Variants in PPP1R13B observed in about 807,000 individuals in gnomAD.
The protein encoded by PPP1R13B is protein phosphatase 1 regulatory subunit 13B.
In PPP1R13B, 44 loss-of-function variants were observed where a neutral mutation model predicts 119.8. The ratio of observed to expected loss-of-function variants is 0.37; its 90% CI spans 0.29 to 0.47. The LOEUF is 0.47. Ranked by LOEUF, PPP1R13B falls within the 20% of genes least tolerant of loss-of-function variation. The pLI is 0.99. For synonymous variants in PPP1R13B, 542 were observed against 561.5 expected, an observed-to-expected ratio of 0.97 and a Z score of 0.49; for missense variants, 1,227 against 1,413.5, an observed-to-expected ratio of 0.87 and a Z score of 2.12.
chr14:103,802,666 T>C (rs1405714613), intron 1 of PPP1R13B, among the ~76,000 whole-genome samples: 1 of 152,202 alleles, frequency 6.6e-6, no homozygotes, highest in Non-Finnish European at 1.5e-5. Flanking sequence ...CGCGGAATTC[T>C]TTATGAATGC....
At chr14:103,836,077 A>G (rs1307624379) in intron 1 of PPP1R13B, among the ~76,000 whole-genome samples, 19 of 128,274 alleles carry the variant, frequency 1.5e-4, no homozygotes, top group African/African-American at 5.3e-4. Context: ...ACACAGTCTC[A>G]CTTTGTTGCC....
intron 1 of PPP1R13B, among the ~76,000 whole-genome samples, chr14:103,808,563 T>C (rs901316810): frequency 6.6e-6 from 1 of 152,174 alleles, no homozygotes; most frequent in Non-Finnish European, 1.5e-5. Context: ...GTGCCATGGG[T>C]TGGACAAGCT....
intron 6 of PPP1R13B, 96 bp from the exon 7 acceptor site, chr14:103,753,292 GC>G: frequency 7.9e-7 from 1 of 1,260,330 alleles, no homozygotes; most frequent in Non-Finnish European, 1.1e-6. Flanking sequence ...ATCATTTAGT[GC>G]CAGACCGTGG....
Position 103,740,171 on chromosome 14 carries a change from G to C in PPP1R13B, c.2245C>G (p.Gln749Glu), listed in dbSNP as rs775734231. The change falls in exon 12 of 17, where the codon CAG (glutamine) becomes GAG (glutamate). Residue 749 changes from glutamine (Q) to glutamate (E), a missense_variant. Coordinates refer to ENST00000202556, the MANE Select transcript of PPP1R13B (RefSeq NM_015316.3). The surrounding 1 kb of genome is among the most constrained non-coding windows in gnomAD (Gnocchi z 4.6). ...TCGGCCAAGGTGCCCATGAAGTCCTGGGAGGGGCTGGGCTGGTAGAAAGGG... is the reference window on the plus strand; with the variant it reads ...TCGGCCAAGGTGCCCATGAAGTCCTCGGAGGGGCTGGGCTGGTAGAAAGGG... ...GTPFYQPSPS[Q>E]DFMGTLADVD... 3 of 1,613,760 alleles carry C rather than the reference G, an allele frequency of 1.9e-6. No homozygotes were observed. Among genetic ancestry groups the C allele is most frequent in the Non-Finnish European group, 1.7e-6 (2 of 1,180,034 alleles).
intron 4 of PPP1R13B, among the ~76,000 whole-genome samples, chr14:103,760,490 A>C (rs1567101788): frequency 6.6e-6 from 1 of 152,202 alleles, no homozygotes; most frequent in African/African-American, 2.4e-5. Context: ...CACTTCCAAC[A>C]ACTAAGTTAA....
intron 4 of PPP1R13B, among the ~76,000 whole-genome samples, chr14:103,769,661 C>T (rs573048739): frequency 3.3e-5 from 5 of 152,282 alleles, no homozygotes; most frequent in East Asian, 1.9e-4. Flanking sequence ...CTTATGCTCA[C>T]GTAATATTCA....
Position 103,746,537 on chromosome 14 carries a change from C to T in PPP1R13B, c.986G>A (p.Gly329Asp). The T allele has an allele frequency of 6.3e-7, 1 of 1,596,448 alleles. No individual in the cohort carries two copies. Among genetic ancestry groups the T allele is most frequent in the Non-Finnish European group, 8.5e-7 (1 of 1,170,266 alleles). Residue 329 changes from glycine to aspartate, a missense_variant, in exon 9 of 17, where the codon GGC becomes GAC. By Grantham distance (94) the Gly-to-Asp change is moderately conservative. Transcript: ENST00000202556. ...CAGAGGGGACTGTGGTGATGACGTG[C>T]CATTCACACGGTTCAGCTACAAATT... ...GKKIQLNRVN[G>D]TSSPQSPLST...
At chr14:103,748,698 C>T (rs1262669673) in intron 8 of PPP1R13B, among the ~76,000 whole-genome samples, 1 of 152,186 alleles carries the variant, frequency 6.6e-6, no homozygotes, top group Non-Finnish European at 1.5e-5. Flanking sequence ...AGTGCAGGCG[C>T]CCCTCCTCCA....
intron 1 of PPP1R13B, among the ~76,000 whole-genome samples, chr14:103,798,624 C>T (rs1165284300): frequency 6.6e-6 from 1 of 152,034 alleles, no homozygotes; most frequent in African/African-American, 2.4e-5. Context: ...TAATATATCA[C>T]AGTAAAAGAA....
intron 1 of PPP1R13B, among the ~76,000 whole-genome samples, chr14:103,815,874 G>C (rs935279693): frequency 6.6e-5 from 10 of 152,044 alleles, no homozygotes; most frequent in Non-Finnish European, 1.2e-4. Flanking sequence ...ACAAGGTCAG[G>C]AGATCGAGAC....
At chr14:103,771,009 A>G (rs2085054105) in intron 4 of PPP1R13B, among the ~76,000 whole-genome samples, 1 of 152,170 alleles carries the variant, frequency 6.6e-6, no homozygotes, top group South Asian at 2.1e-4. Context: ...GGAGATGCCC[A>G]CAAACGTCCA....
At chr14:103,739,090 T>G in intron 12 of PPP1R13B, 67 bp from the exon 13 acceptor site, 1 of 1,551,252 alleles carries the variant, frequency 6.4e-7, no homozygotes, top group Non-Finnish European at 8.7e-7. Context: ...CCACGCCTGC[T>G]GGGAAGGAGT....
intron 1 of PPP1R13B, chr14:103,846,836 C>T: frequency 2.1e-6 from 1 of 475,312 alleles, no homozygotes; most frequent in African/African-American, 2.0e-5. Flanking sequence ...GTGCACTCGG[C>T]ACCTTTCCTC....
At chr14:103,781,594 T>A (rs191898047) in intron 3 of PPP1R13B, among the ~76,000 whole-genome samples, 3 of 152,312 alleles carry the variant, frequency 2.0e-5, no homozygotes, top group African/African-American at 7.2e-5. Context: ...TTTTAAATAT[T>A]AGAAGTAATC....
intron 3 of PPP1R13B, among the ~76,000 whole-genome samples, chr14:103,781,031 G>A (rs1347924288): frequency 2.6e-5 from 4 of 151,924 alleles, no homozygotes; most frequent in Non-Finnish European, 5.9e-5. Context: ...TACAGCTCCT[G>A]GGCTCATGCA....
At chr14:103,778,226 T>A (rs1355997049) in intron 4 of PPP1R13B, among the ~76,000 whole-genome samples, 2 of 47,534 alleles carry the variant, frequency 4.2e-5, no homozygotes, top group Admixed American at 1.7e-4. Context: ...AATGCTGGGA[T>A]TTACAGGCAT....
At position 103,746,221 on chromosome 14, in the gene PPP1R13B, G is replaced by C. The variant is rs116612247; in HGVS notation, c.1150+152C>G. 1.1e-3 allele frequency: 856 copies of C among 750,104 alleles called. 6 individuals carry two copies. In the African/African-American group the frequency reaches 0.014, roughly 13 times the overall value. 46.5% of individuals were successfully genotyped at this position (750,104 alleles called of 1,614,324 possible). A position where few individuals can be genotyped will look rare whatever the true frequency, so the allele number is the denominator to read the frequency against. On this transcript the variant is annotated intron_variant, in intron 9 of 16. Coordinates refer to ENST00000202556, the MANE Select transcript of PPP1R13B (RefSeq NM_015316.3). ...AGGATTGTTACCACAGGGGAACACAGCTCTCCAAGCGCCTCACGGGGAGAC... is the reference window on the plus strand; with the variant it reads ...AGGATTGTTACCACAGGGGAACACACCTCTCCAAGCGCCTCACGGGGAGAC...
At chr14:103,812,071 A>AG (rs1158578699) in intron 1 of PPP1R13B, among the ~76,000 whole-genome samples, 1 of 150,696 alleles carries the variant, frequency 6.6e-6, no homozygotes, top group African/African-American at 2.4e-5. Flanking sequence ...AAAAAAAAAA[A>AG]AAAAAAAAAA....
chr14:103,737,693 C>G lies in PPP1R13B; in HGVS notation c.3031+1G>C. On this transcript the variant is annotated splice_donor_variant, in intron 15 of 16. Coordinates refer to ENST00000202556, the MANE Select transcript of PPP1R13B (RefSeq NM_015316.3). LOFTEE classifies it high-confidence loss of function. ...TGTGGCCCCAGGCCTCCCCTGCGTA[C>G]CATATAGAAACTGGGAGCACTGGAT... 1 of 1,613,944 alleles carries G rather than the reference C, an allele frequency of 6.2e-7. No individual in the cohort carries two copies. The highest frequency in any genetic ancestry group is 8.5e-7 in the Non-Finnish European group (1 of 1,179,854).
Sources: allele counts gnomAD v4.1 joint callset (sites outside exome capture counted in the v4.1 genomes callset), GRCh38; gene constraint gnomAD v4.1.1; non-coding constraint Gnocchi (gnomAD v3.1); transcripts MANE v1.5; gene names NCBI Gene and HGNC (gene_info 2026-07-23, HGNC 2026-07-21).